Variants in ANKS1A observed in about 807,000 individuals in gnomAD.
ANKS1A encodes ankyrin repeat and SAM domain-containing protein 1A.
A neutral mutation model predicts 120.3 loss-of-function variants in ANKS1A; 55 were observed. The ratio of observed to expected loss-of-function variants is 0.46; its 90% CI spans 0.37 to 0.57. The LOEUF is 0.57. Ranked by LOEUF, ANKS1A falls within the 20% of genes least tolerant of loss-of-function variation. ANKS1A has a pLI of 0.00. For synonymous variants in ANKS1A, 590 were observed against 604.7 expected (o/e 0.98, Z 0.36); for missense variants, 1,123 against 1,480.3 (o/e 0.76, Z 3.96).
intron 9 of ANKS1A, among the ~76,000 whole-genome samples, chr6:34,991,575 C>T (rs896232437): frequency 7.5e-5 from 6 of 80,146 alleles, no homozygotes; most frequent in Non-Finnish European, 1.5e-4. Flanking sequence ...CACACACACA[C>T]ACACATATAC....
At chr6:34,977,887 C>T (rs1414683809) in intron 3 of ANKS1A, among the ~76,000 whole-genome samples, 1 of 152,060 alleles carries the variant, frequency 6.6e-6, no homozygotes, top group African/African-American at 2.4e-5. Context: ...TGCAGTTGGG[C>T]TGTAATCTGA....
chr6:35,013,022 C>T (rs948224556), intron 10 of ANKS1A, among the ~76,000 whole-genome samples: 5 of 152,180 alleles, frequency 3.3e-5, no homozygotes, highest in Non-Finnish European at 7.3e-5. Flanking sequence ...AACTCCTGAG[C>T]TCAAGTGATC....
At chr6:34,917,544 G>A (rs1391586981) in intron 1 of ANKS1A, among the ~76,000 whole-genome samples, 1 of 152,204 alleles carries the variant, frequency 6.6e-6, no homozygotes, top group East Asian at 1.9e-4. Flanking sequence ...CTGTATTAAA[G>A]TGCAAGTGAA....
chr6:35,044,943 C>T lies in ANKS1A; in HGVS notation c.2011-9156C>T, dbSNP rs141909744. Among the ~76,000 whole-genome samples the T allele has an allele frequency of 6.6e-6, 1 of 152,128 alleles. No individual in the cohort carries two copies. The highest frequency in any genetic ancestry group is 1.5e-5 in the Non-Finnish European group (1 of 68,022). On this transcript the variant is annotated intron_variant, in intron 11 of 23. Coordinates refer to ENST00000360359, the MANE Select transcript of ANKS1A (RefSeq NM_015245.3). This position sits in a 1 kb window ranked among gnomAD's most constrained non-coding sequence, Gnocchi z 4.4. ...TTTTACGAGGACTACAGATGTTTCC[C>T]AGTGTAAGTAAGGCTGGCATCTGGT...
Position 35,050,793 on chromosome 6 carries a change from G to A in ANKS1A, c.2011-3306G>A, listed in dbSNP as rs533151818. On this transcript the variant is annotated intron_variant, in intron 11 of 23. Coordinates refer to ENST00000360359, the MANE Select transcript of ANKS1A (RefSeq NM_015245.3). The surrounding 1 kb of genome is among the most constrained non-coding windows in gnomAD (Gnocchi z 4.3). Reference sequence around the variant, plus strand: ...ATCTCTGCCCAAACAGGACCTCTTCGCTGCCATGTCCCTCCTGGCCCTGAG... The same window carrying A: ...ATCTCTGCCCAAACAGGACCTCTTCACTGCCATGTCCCTCCTGGCCCTGAG... Among the ~76,000 whole-genome samples, 18 of 152,128 alleles carry A rather than the reference G, an allele frequency of 1.2e-4. No individual in the cohort carries two copies. Among genetic ancestry groups the A allele is most frequent in the African/African-American group, 2.7e-4 (11 of 41,418 alleles).
At chr6:35,005,661 A>G in intron 10 of ANKS1A, 1 of 427,990 alleles carries the variant, frequency 2.3e-6, no homozygotes, top group Non-Finnish European at 4.6e-6. Flanking sequence ...AACCAAAAGG[A>G]GAGACTTGAT....
At chr6:34,940,584 T>A (rs1230784138) in intron 1 of ANKS1A, among the ~76,000 whole-genome samples, 1 of 152,202 alleles carries the variant, frequency 6.6e-6, no homozygotes, top group Non-Finnish European at 1.5e-5. Flanking sequence ...AGATTAGTAG[T>A]GCTATTGAGT....
downstream of ANKS1A, among the ~76,000 whole-genome samples, chr6:35,094,687 A>G (rs925807108): frequency 1.3e-5 from 2 of 152,228 alleles, no homozygotes; most frequent in Admixed American, 6.5e-5. Flanking sequence ...GGGAAAGGAA[A>G]GAATGCACCA....
intron 11 of ANKS1A, among the ~76,000 whole-genome samples, chr6:35,051,229 TTCTGCTGGCCTATG>T (rs1279784709): frequency 1.3e-5 from 2 of 151,626 alleles, no homozygotes; most frequent in Admixed American, 6.6e-5. Flanking sequence ...AAACCTGGGC[TTCTGCTGGCCTATG>T]TCAGTTGACT....
chr6:35,010,034 A>T, intron 10 of ANKS1A: 1 of 204,380 alleles, frequency 4.9e-6, no homozygotes, highest in Non-Finnish European at 1.0e-5. Context: ...AAAAATTTTT[A>T]AAAATTAGCT....
downstream of ANKS1A, among the ~76,000 whole-genome samples, chr6:35,093,185 G>A (rs76815809): frequency 0.038 from 5,759 of 152,052 alleles, 203 homozygotes; most frequent in African/African-American, 0.1. Flanking sequence ...TTCAGGATTC[G>A]GCTGTTAGGA....
chr6:35,057,225 A>G lies in ANKS1A; in HGVS notation c.2078-2922A>G, dbSNP rs763160426. On this transcript the variant is annotated intron_variant, in intron 12 of 23. Transcript: ENST00000360359. This position sits in a 1 kb window ranked among gnomAD's most constrained non-coding sequence, Gnocchi z 4.1. ...TGCCACCACTGGAGCTAGTTAGCTGAATCGCCAACAGAAGCGTTTACAGCT... is the reference window on the plus strand; with the variant it reads ...TGCCACCACTGGAGCTAGTTAGCTGGATCGCCAACAGAAGCGTTTACAGCT... 1.3e-5 allele frequency among the ~76,000 whole-genome samples: 2 copies of G among 152,090 alleles called. No homozygotes were observed. The highest frequency in any genetic ancestry group is 2.4e-5 in the African/African-American group (1 of 41,436).
intron 1 of ANKS1A, among the ~76,000 whole-genome samples, chr6:34,931,266 C>T (rs984355275): frequency 3.9e-5 from 6 of 152,014 alleles, no homozygotes; most frequent in African/African-American, 1.2e-4. Flanking sequence ...CCTGCCTCAG[C>T]CTCCTGAGTA....
chr6:34,983,181 C>A lies in ANKS1A; in HGVS notation c.877C>A (p.Gln293Lys), dbSNP rs74871455. 6.2e-7 allele frequency: 1 copy of A among 1,614,188 alleles called. No individual in the cohort carries two copies. Among genetic ancestry groups the A allele is most frequent in the South Asian group, 1.1e-5 (1 of 91,064 alleles). ...AGACACTGTTCGGGAACTGCCTTCTCAAAAGAGCCAGCAAATAGCAGCATT... is the reference window on the plus strand; with the variant it reads ...AGACACTGTTCGGGAACTGCCTTCTAAAAAGAGCCAGCAAATAGCAGCATT... ...ALDTVRELPS[Q>K]KSQQIAALIE... The change falls in exon 6 of 24, where the codon CAA (glutamine) becomes AAA (lysine). Residue 293 changes from glutamine to lysine, a missense_variant. Around this residue, in one of 3 missense-constraint regions of ANKS1A, gnomAD observed 904 missense variants for 1,130.4 expected, o/e 0.80. Coordinates refer to ENST00000360359, the MANE Select transcript of ANKS1A (RefSeq NM_015245.3).
At chr6:34,977,428 T>C (rs1157520523) in intron 3 of ANKS1A, among the ~76,000 whole-genome samples, 1 of 151,746 alleles carries the variant, frequency 6.6e-6, no homozygotes, top group Non-Finnish European at 1.5e-5. Flanking sequence ...CCCATGTAAT[T>C]CTAAAAGCTG....
At chr6:34,967,371 T>G in intron 2 of ANKS1A, 52 bp downstream of exon 2, 1 of 1,562,904 alleles carries the variant, frequency 6.4e-7, no homozygotes, top group Non-Finnish European at 8.8e-7. Flanking sequence ...ACCCAGGCCT[T>G]CACGTTGCCT....
intron 12 of ANKS1A, among the ~76,000 whole-genome samples, chr6:35,054,649 G>A (rs781225022): frequency 6.6e-6 from 1 of 152,138 alleles, no homozygotes; most frequent in Non-Finnish European, 1.5e-5. Context: ...ACAGCTCCTT[G>A]TGCCTGACTC....
At chr6:34,949,715 C>T (rs1581736282) in intron 1 of ANKS1A, among the ~76,000 whole-genome samples, 1 of 152,166 alleles carries the variant, frequency 6.6e-6, no homozygotes, top group African/African-American at 2.4e-5. Flanking sequence ...AGGTACAATT[C>T]GTACAATGTC....
At chr6:35,036,291 C>T (rs979476901) in intron 11 of ANKS1A, among the ~76,000 whole-genome samples, 3 of 152,058 alleles carry the variant, frequency 2.0e-5, no homozygotes. Context: ...GGATCTTACT[C>T]ACGTTTGACT....
Sources: gnomAD v4.1 joint callset for allele counts (sites outside exome capture counted in the v4.1 genomes callset) on GRCh38, gnomAD v4.1.1 for gene constraint, gnomAD v4.1.1 regional missense constraint, Gnocchi (gnomAD v3.1) non-coding constraint, MANE v1.5 for transcripts, NCBI Gene and HGNC (gene_info 2026-07-23, HGNC 2026-07-21) for gene names.